CSGALNACT1: variants seen among roughly 807,000 people sequenced by gnomAD.
CSGALNACT1 encodes the protein chondroitin sulfate N-acetylgalactosaminyltransferase 1.
Under a neutral mutation model 51.0 loss-of-function variants are expected in CSGALNACT1, and 52 were observed. The ratio of observed to expected loss-of-function variants is 1.02; its 90% CI spans 0.82 to 1.29. The LOEUF (loss-of-function observed/expected upper bound fraction) is 1.29, where lower values mean the gene tolerates loss of function less well. Ranked by LOEUF, CSGALNACT1 falls within the 50% of genes most tolerant of loss-of-function variation. CSGALNACT1 has a pLI of 0.00. For synonymous variants in CSGALNACT1, 341 were observed against 254.4 expected (o/e 1.34, Z -3.24); for missense variants, 935 against 679.2 (o/e 1.38, Z -4.19).
chr8:19,505,146 C>T (rs1304293384), intron 4 of CSGALNACT1, 55 bp downstream of exon 3: 1 of 1,605,844 alleles, frequency 6.2e-7, no homozygotes, highest in East Asian at 2.2e-5. Context: ...GCCTGGGTGC[C>T]AGGAACCCCC....
intron 3 of CSGALNACT1, among the ~76,000 whole-genome samples, chr8:19,570,409 G>A (rs895167232): frequency 6.6e-6 from 1 of 152,000 alleles, no homozygotes. Flanking sequence ...CCCTACAAAG[G>A]TACAGAAGCC....
intron 1 of CSGALNACT1, among the ~76,000 whole-genome samples, chr8:19,702,732 G>A (rs907850621): frequency 6.6e-5 from 10 of 152,070 alleles, no homozygotes; most frequent in African/African-American, 9.7e-5. Flanking sequence ...CCAGTTCCAT[G>A]TGTCTATACC....
intron 1 of CSGALNACT1, among the ~76,000 whole-genome samples, chr8:19,631,454 G>C (rs1221934713): frequency 6.6e-6 from 1 of 152,072 alleles, no homozygotes; most frequent in African/African-American, 2.4e-5. Context: ...ATCTTTTCTA[G>C]ACTAAAATAG....
chr8:19,414,597 AC>A (rs34551957), intron 8 of CSGALNACT1, among the ~76,000 whole-genome samples: 1 of 2,242 alleles, frequency 4.5e-4, no homozygotes, highest in Non-Finnish European at 1.0e-3. Flanking sequence ...ACACACATAC[AC>A]ACACACACAC....
chr8:19,503,777 T>G (rs551988420), intron 4 of CSGALNACT1, among the ~76,000 whole-genome samples: 1 of 150,594 alleles, frequency 6.6e-6, no homozygotes, highest in South Asian at 2.1e-4. Context: ...TTCATATGAA[T>G]GAGTTTTTTT....
intron 2 of CSGALNACT1, among the ~76,000 whole-genome samples, chr8:19,600,063 T>C (rs1019346936): frequency 2.0e-5 from 3 of 152,108 alleles, no homozygotes; most frequent in South Asian, 2.1e-4. Context: ...TCTTGGTCAA[T>C]TGCTGCTCAC....
intron 1 of CSGALNACT1, among the ~76,000 whole-genome samples, chr8:19,751,202 G>A (rs1435547888): frequency 3.9e-5 from 6 of 152,094 alleles, no homozygotes; most frequent in South Asian, 2.1e-4. Context: ...CCAGGCAGAC[G>A]TGCACTAAGG....
chr8:19,736,852 A>G (rs966900916), intron 1 of CSGALNACT1, among the ~76,000 whole-genome samples: 3 of 152,112 alleles, frequency 2.0e-5, no homozygotes, highest in Non-Finnish European at 4.4e-5. Context: ...CAAAGAAATA[A>G]TGGCTGAGAA....
At chr8:19,634,606 G>A (rs1296152294) in intron 1 of CSGALNACT1, among the ~76,000 whole-genome samples, 5 of 152,172 alleles carry the variant, frequency 3.3e-5, no homozygotes, top group South Asian at 2.1e-4. Flanking sequence ...AGGCTGCAGT[G>A]AGCCATGATT....
intron 1 of CSGALNACT1, among the ~76,000 whole-genome samples, chr8:19,618,134 C>T (rs1208083660): frequency 2.0e-5 from 3 of 152,084 alleles, no homozygotes; most frequent in Non-Finnish European, 4.4e-5. Flanking sequence ...CTGCCTCACC[C>T]CCCCGACAAA....
chr8:19,527,281 TGGA>T (rs144152434), intron 3 of CSGALNACT1, among the ~76,000 whole-genome samples: 286 of 152,174 alleles, frequency 1.9e-3, no homozygotes, highest in Middle Eastern at 3.4e-3. Context: ...AGCTAGGTCT[TGGA>T]GGAGAAGGTT....
intron 1 of CSGALNACT1, among the ~76,000 whole-genome samples, chr8:19,666,811 G>GAAAGAGAGAA (rs35734602): frequency 3.8e-5 from 1 of 26,352 alleles, no homozygotes; most frequent in African/African-American, 2.1e-4. Flanking sequence ...AAGAAAGAAA[G>GAAAGAGAGAA]AGAGAGAGAG....
chr8:19,644,170 AAT>A (rs1280151613), intron 1 of CSGALNACT1, among the ~76,000 whole-genome samples: 5 of 152,264 alleles, frequency 3.3e-5, no homozygotes, highest in African/African-American at 1.2e-4. Context: ...CAAGTTTGCC[AAT>A]ATGTGTGCAC....
intron 3 of CSGALNACT1, among the ~76,000 whole-genome samples, chr8:19,537,275 C>T (rs1016951493): frequency 3.9e-5 from 6 of 152,226 alleles, no homozygotes; most frequent in Admixed American, 3.3e-4. Context: ...TCACCAGTTC[C>T]ACAATTCATC....
intron 3 of CSGALNACT1, among the ~76,000 whole-genome samples, chr8:19,541,973 T>C (rs886733746): frequency 4.6e-5 from 7 of 152,108 alleles, no homozygotes; most frequent in African/African-American, 1.7e-4. Context: ...TATCACCAAA[T>C]ACTGGAATGG....
intron 1 of CSGALNACT1, among the ~76,000 whole-genome samples, chr8:19,701,077 G>T (rs113007929): frequency 1.3e-5 from 2 of 150,724 alleles, no homozygotes; most frequent in Non-Finnish European, 2.9e-5. Flanking sequence ...AGACAGAAAT[G>T]ATGGCTGGAG....
rs142066768 is a variant in CSGALNACT1 at position 19,528,251 on chromosome 8, C to T, written c.-296-22121G>A. Among the ~76,000 whole-genome samples, 13 of 151,648 alleles carry T rather than the reference C, an allele frequency of 8.6e-5. No individual in the cohort carries two copies. The South Asian group carries it at 1.5e-3, about 17-fold the overall frequency. ...CTCCATCTGCCCGAACACCATTTTC[C>T]GACTCGTTCAGGACTGAGAAAGAAA... On this transcript the variant is annotated intron_variant, in intron 3 of 9. Transcript: ENST00000454498.
chr8:19,408,470 T>A, intron 9 of CSGALNACT1, 143 bp downstream of exon 8: 1 of 215,180 alleles, frequency 4.6e-6, no homozygotes, highest in Non-Finnish European at 8.4e-6. Context: ...TGGAATAGCT[T>A]TTTTTTTTTT....
intron 4 of CSGALNACT1, among the ~76,000 whole-genome samples, chr8:19,471,468 A>G (rs1222660700): frequency 3.3e-5 from 5 of 151,992 alleles, no homozygotes; most frequent in Admixed American, 1.3e-4. Flanking sequence ...TTCCTGTTCT[A>G]AAGCCTTTTA....
Sources: gnomAD v4.1 joint callset for allele counts (sites outside exome capture counted in the v4.1 genomes callset) on GRCh38, gnomAD v4.1.1 for gene constraint, MANE v1.5 for transcripts, NCBI Gene and HGNC (gene_info 2026-07-23, HGNC 2026-07-21) for gene names.